Variants in PIK3R3 observed in about 807,000 individuals in gnomAD.
PIK3R3 encodes phosphoinositide-3-kinase regulatory subunit 3, also known as phosphatidylinositol 3-kinase regulatory subunit gamma.
A neutral mutation model predicts 62.9 loss-of-function variants in PIK3R3; 64 were observed. The ratio of observed to expected loss-of-function variants is 1.02; its 90% CI spans 0.83 to 1.25. PIK3R3 has a LOEUF of 1.25. PIK3R3 is among the 50% of genes most tolerant of loss of function. PIK3R3 has a pLI of 0.00. For missense variants in PIK3R3, 614 were observed against 561.6 expected (o/e 1.09, Z -0.94); for synonymous variants, 165 against 189.0 (o/e 0.87, Z 1.04).
In PIK3R3 at chr1:46,044,370, A is replaced by G. The variant is rs1479685227; in HGVS notation, c.1188-499T>C. ...ATTACAGGTGTGAGCCACCACGCCC[A>G]GCCAAGGGTAGTTTTTGATTAATCA... is the stretch of plus-strand genomic sequence containing the variant. On this transcript the variant is annotated intron_variant, in intron 9 of 9. Transcript: ENST00000262741. This position sits in a 1 kb window ranked among gnomAD's most constrained non-coding sequence, Gnocchi z 4.2. Among the ~76,000 whole-genome samples, 1 of 152,188 alleles carries G rather than the reference A, an allele frequency of 6.6e-6. No individual in the cohort carries two copies. Among genetic ancestry groups the G allele is most frequent in the African/African-American group, 2.4e-5 (1 of 41,454 alleles).
chr1:46,088,252 GATAAA>G (rs1394971051), intron 1 of PIK3R3, among the ~76,000 whole-genome samples: 1 of 151,812 alleles, frequency 6.6e-6, no homozygotes, highest in East Asian at 1.9e-4. Flanking sequence ...AAAAGAAACA[GATAAA>G]ATGGTTAAAA....
chr1:46,085,065 CA>C (rs1650937715), intron 1 of PIK3R3, among the ~76,000 whole-genome samples: 1 of 152,188 alleles, frequency 6.6e-6, no homozygotes, highest in Admixed American at 6.5e-5. Flanking sequence ...GCTCTACCAC[CA>C]ACAAACATGT....
At chr1:46,168,942 C>G in the PIK3R3 span, among the ~76,000 whole-genome samples, 1 of 152,184 alleles carries the variant, frequency 6.6e-6, no homozygotes, top group Admixed American at 6.5e-5. Context: ...ACTCCAACCT[C>G]CTCACCCCCA....
Position 46,043,566 on chromosome 1 carries a change from C to A in PIK3R3, c.*107G>T. ...TCTCCACTTCACATTCACAAAATCACTTCTTGTGCAAAACAAGCAGTCTAT... is the reference window on the plus strand; with the variant it reads ...TCTCCACTTCACATTCACAAAATCAATTCTTGTGCAAAACAAGCAGTCTAT... On this transcript the variant is annotated 3_prime_UTR_variant, in exon 10 of 10. Transcript: ENST00000262741. 9.9e-7 allele frequency: 1 copy of A among 1,012,074 alleles called. No homozygotes were observed. The allele number at this position is 1,012,074 out of a possible 1,614,324, so 62.7% of individuals were successfully genotyped here.
chr1:46,131,922 C>T lies in PIK3R3; in HGVS notation c.31G>A (p.Asp11Asn). MYNTVWSMDR[D>N]DADWREVMMP... ...ATCACCTCCCTCCAGTCTGCGTCAT[C>T]GCGGTCCATACTCCACACCGTATTG... The change falls in exon 1 of 10, where the codon GAT becomes AAT. Residue 11 changes from aspartate to asparagine, a missense_variant. Transcript: ENST00000262741. The T allele has an allele frequency of 6.2e-7, 1 of 1,613,892 alleles. No homozygotes were observed.
chr1:46,086,167 T>C (rs1471180159), intron 1 of PIK3R3, among the ~76,000 whole-genome samples: 3 of 152,228 alleles, frequency 2.0e-5, no homozygotes, highest in Non-Finnish European at 1.5e-5. Flanking sequence ...TGTGTGCATA[T>C]AGATATGTGT....
At chr1:46,086,742 G>T (rs1230814253) in intron 1 of PIK3R3, among the ~76,000 whole-genome samples, 2 of 152,278 alleles carry the variant, frequency 1.3e-5, no homozygotes, top group East Asian at 3.9e-4. Flanking sequence ...CTCTGGAAAG[G>T]CCAGGAACTG....
chr1:46,128,408 G>A (rs1176883330), intron 1 of PIK3R3, among the ~76,000 whole-genome samples: 1 of 152,162 alleles, frequency 6.6e-6, no homozygotes, highest in Non-Finnish European at 1.5e-5. Context: ...CTGCACTCCA[G>A]ACTGGGCGAC....
chr1:46,101,982 T>TTTC (rs1360760702), intron 1 of PIK3R3, among the ~76,000 whole-genome samples: 2 of 127,024 alleles, frequency 1.6e-5, no homozygotes, highest in Non-Finnish European at 3.2e-5. Context: ...ATTGTATACT[T>TTTC]TTTTTTTTTT....
At position 46,077,539 on chromosome 1, in the gene PIK3R3, T is replaced by C. The variant is rs1225342856; in HGVS notation, c.290A>G (p.Gln97Arg). 1.9e-6 allele frequency: 3 copies of C among 1,610,228 alleles called. No homozygotes were observed. The highest frequency in any genetic ancestry group is 8.5e-7 in the Non-Finnish European group (1 of 1,176,520). The change falls in exon 3 of 10, where the codon CAG becomes CGG. Residue 97 changes from glutamine to arginine, a missense_variant. Coordinates refer to ENST00000262741, the MANE Select transcript of PIK3R3 (RefSeq NM_003629.4). ...CCGCAAAGTCAAAGTATAATCTCCC[T>C]GCATTTTTGTTGAGGCATCTCGGAC... Reference protein sequence around the residue: ...FLVRDASTKMQGDYTLTLRKG... With the variant: ...FLVRDASTKMRGDYTLTLRKG...
At chr1:46,051,354 G>A (rs932893333) in intron 7 of PIK3R3, among the ~76,000 whole-genome samples, 26 of 151,876 alleles carry the variant, frequency 1.7e-4, no homozygotes, top group African/African-American at 5.6e-4. Context: ...TCCACCTCCC[G>A]GGTTCAAGCA....
chr1:46,151,214 C>T, the PIK3R3 span, among the ~76,000 whole-genome samples: 13 of 152,158 alleles, frequency 8.5e-5, no homozygotes, highest in African/African-American at 3.1e-4. Flanking sequence ...TCTCTTCCCC[C>T]ATCTCCACAA....
the PIK3R3 span, among the ~76,000 whole-genome samples, chr1:46,149,501 C>T: frequency 6.6e-6 from 1 of 150,820 alleles, no homozygotes; most frequent in Non-Finnish European, 1.5e-5. Flanking sequence ...CCAGAAGTTA[C>T]TCTATATGTT....
the PIK3R3 span, among the ~76,000 whole-genome samples, chr1:46,146,214 A>G: frequency 1.3e-5 from 2 of 152,264 alleles, no homozygotes; most frequent in South Asian, 4.2e-4. Flanking sequence ...CTGCTCCCCA[A>G]AGATCCCAGA....
At chr1:46,074,072 G>A (rs1364941992) in intron 3 of PIK3R3, among the ~76,000 whole-genome samples, 2 of 148,246 alleles carry the variant, frequency 1.3e-5, no homozygotes, top group East Asian at 2.0e-4. Flanking sequence ...GGCGGATCAC[G>A]AGGTCAGGAG....
At chr1:46,141,248 C>G in the PIK3R3 span, among the ~76,000 whole-genome samples, 1 of 151,826 alleles carries the variant, frequency 6.6e-6, no homozygotes, top group Admixed American at 6.6e-5. Flanking sequence ...TAATTTTTTT[C>G]AAGCACATTT....
Position 46,043,744 on chromosome 1 carries a change from G to A in PIK3R3, c.1315C>T (p.Gln439Ter). 1 of 1,614,228 alleles carries A rather than the reference G, an allele frequency of 6.2e-7. No homozygotes were observed. Among genetic ancestry groups the A allele is most frequent in the East Asian group, 2.2e-5 (1 of 44,884 alleles). Residue 439 changes from glutamine to a stop codon, truncating the protein, a stop_gained, in exon 10 of 10, where the codon CAG (glutamine) becomes TAG (stop). Transcript: ENST00000262741. LOFTEE classifies it high-confidence loss of function. ...VLHYQQTSLV[Q>*]HNDSLNVRLA... Reference sequence around the variant, plus strand: ...CTGACGTTGAGGGAGTCGTTGTGCTGAACCAAGGATGTCTGCTGGTAATGG... The same window carrying A: ...CTGACGTTGAGGGAGTCGTTGTGCTAAACCAAGGATGTCTGCTGGTAATGG...
chr1:46,066,851 CAAAT>C, intron 4 of PIK3R3, 56 bp downstream of exon 4: 1 of 1,284,586 alleles, frequency 7.8e-7, no homozygotes, highest in Non-Finnish European at 1.1e-6. Context: ...TAAATAAAAT[CAAAT>C]AAGGCTGTTA....
At chr1:46,104,925 CAAAAAAAAAA>C (rs757829828) in intron 1 of PIK3R3, 28 of 195,768 alleles carry the variant, frequency 1.4e-4, no homozygotes, top group East Asian at 9.7e-4. Context: ...AAGACTCCAT[CAAAAAAAAAA>C]AAAAAAAAAA....
Sources: allele counts gnomAD v4.1 joint callset (sites outside exome capture counted in the v4.1 genomes callset), GRCh38; gene constraint gnomAD v4.1.1; non-coding constraint Gnocchi (gnomAD v3.1); transcripts MANE v1.5; gene names NCBI Gene and HGNC (gene_info 2026-07-23, HGNC 2026-07-21).